ADGRV1: variants seen among roughly 807,000 people sequenced by gnomAD.
The protein encoded by ADGRV1 is adhesion G protein-coupled receptor V1.
A neutral mutation model predicts 596.2 loss-of-function variants in ADGRV1; 359 were observed. The observed-to-expected ratio is 0.60, with a 90% confidence interval of 0.55 to 0.66. The LOEUF (loss-of-function observed/expected upper bound fraction) is 0.66. Ranked by LOEUF, ADGRV1 falls within the 30% of genes least tolerant of loss-of-function variation. The pLI is 0.00. For missense variants in ADGRV1, 7,274 were observed against 7,575.6 expected (o/e 0.96, Z 1.48); for synonymous variants, 2,681 against 2,679.2 (o/e 1.00, Z -0.02).
At chr5:90,966,384 T>C (rs1027002921) in intron 84 of ADGRV1, among the ~76,000 whole-genome samples, 2 of 151,804 alleles carry the variant, frequency 1.3e-5, no homozygotes, top group African/African-American at 4.8e-5. Context: ...TATTAAAAAT[T>C]AGCTGGGCGT....
intron 59 of ADGRV1, among the ~76,000 whole-genome samples, chr5:90,769,740 A>G (rs544347245): frequency 2.1e-4 from 32 of 152,130 alleles, no homozygotes; most frequent in Non-Finnish European, 4.1e-4. Flanking sequence ...ATAGTTGCTT[A>G]TTGTTATTTT....
At chr5:90,816,982 G>A (rs1167806005) in intron 75 of ADGRV1, among the ~76,000 whole-genome samples, 1 of 151,994 alleles carries the variant, frequency 6.6e-6, no homozygotes, top group Non-Finnish European at 1.5e-5. Flanking sequence ...CTGAGGAATT[G>A]CCACACTGAC....
chr5:90,976,979 A>G (rs376537461), intron 84 of ADGRV1, among the ~76,000 whole-genome samples: 1 of 152,140 alleles, frequency 6.6e-6, no homozygotes, highest in Non-Finnish European at 1.5e-5. Flanking sequence ...CTTGTGCGTT[A>G]TTTTCTCAAT....
intron 83 of ADGRV1, among the ~76,000 whole-genome samples, chr5:90,930,760 T>C (rs1163017640): frequency 1.3e-5 from 2 of 152,154 alleles, no homozygotes; most frequent in Non-Finnish European, 2.9e-5. Context: ...CATGAGGAAA[T>C]ATTGTGGTTT....
At chr5:90,623,716 G>GC (rs978455386) in intron 5 of ADGRV1, among the ~76,000 whole-genome samples, 2 of 151,908 alleles carry the variant, frequency 1.3e-5, no homozygotes, top group South Asian at 2.1e-4. Context: ...CCTTCCCCCT[G>GC]CCCCCCATTT....
At chr5:90,604,168 A>T (rs1232588516) in intron 1 of ADGRV1, among the ~76,000 whole-genome samples, 1 of 151,938 alleles carries the variant, frequency 6.6e-6, no homozygotes, top group Non-Finnish European at 1.5e-5. Context: ...TTTTTTTAAA[A>T]TGTGAAATCT....
At chr5:90,684,923 A>G (rs1414606303) in intron 28 of ADGRV1, among the ~76,000 whole-genome samples, 1 of 152,178 alleles carries the variant, frequency 6.6e-6, no homozygotes, top group Non-Finnish European at 1.5e-5. Flanking sequence ...TTAGAGTATG[A>G]TGATTTGCAG....
rs150011965 is a variant in ADGRV1 at position 90,969,102 on chromosome 5, G to A, written c.17973+3571G>A. Among the ~76,000 whole-genome samples the A allele has an allele frequency of 7.9e-3, 1,205 of 151,996 alleles. 17 individuals are homozygous for A. Among genetic ancestry groups the A allele is most frequent in the African/African-American group, 0.028 (1,159 of 41,454 alleles). On this transcript the variant is annotated intron_variant, in intron 84 of 89. Transcript: ENST00000405460. The stretch of plus-strand genomic sequence containing the variant: ...AGAGTAGCTTAGGGAAAATTTTATT[G>A]GTAAACAAGTTACATAACCTCTCTG...
chr5:91,072,991 AGT>A (rs1307060940), intron 86 of ADGRV1, among the ~76,000 whole-genome samples: 1 of 152,180 alleles, frequency 6.6e-6, no homozygotes, highest in Non-Finnish European at 1.5e-5. Flanking sequence ...AGTGCTCATG[AGT>A]GTGCATGCAG....
intron 85 of ADGRV1, among the ~76,000 whole-genome samples, chr5:91,055,624 T>C (rs1786773236): frequency 1.3e-5 from 2 of 152,222 alleles, no homozygotes; most frequent in African/African-American, 4.8e-5. Flanking sequence ...GGCTATCTGA[T>C]TCAGAGTTCA....
At chr5:90,751,437 T>C (rs1755240513) in intron 53 of ADGRV1, among the ~76,000 whole-genome samples, 2 of 152,166 alleles carry the variant, frequency 1.3e-5, no homozygotes, top group Non-Finnish European at 2.9e-5. Context: ...GAACCTGTTG[T>C]TCCTAGCAGC....
At chr5:90,675,785 C>T (rs867731859) in intron 24 of ADGRV1, among the ~76,000 whole-genome samples, 2 of 149,296 alleles carry the variant, frequency 1.3e-5, no homozygotes, top group Non-Finnish European at 1.5e-5. Context: ...GAGACTCTGT[C>T]TCTAAAATAA....
At chr5:90,616,944 GGTCCACA>G (rs1260264128) in intron 2 of ADGRV1, among the ~76,000 whole-genome samples, 2 of 152,064 alleles carry the variant, frequency 1.3e-5, no homozygotes, top group Non-Finnish European at 2.9e-5. Flanking sequence ...ACCTCCATCA[GGTCCACA>G]TTCTTTAGCT....
At chr5:90,749,237 T>C (rs1754984060) in intron 52 of ADGRV1, among the ~76,000 whole-genome samples, 1 of 152,212 alleles carries the variant, frequency 6.6e-6, no homozygotes, top group South Asian at 2.1e-4. Flanking sequence ...AATTCTTCAT[T>C]ACAGGTCTTT....
At position 91,150,140 on chromosome 5, in the gene ADGRV1, T is replaced by G; in HGVS notation, c.18543T>G (p.Phe6181Leu). Residue 6181 changes from phenylalanine (F) to leucine (L), a missense_variant, in exon 88 of 90, where the codon TTT (phenylalanine) becomes TTG (leucine). Coordinates refer to ENST00000405460, the MANE Select transcript of ADGRV1 (RefSeq NM_032119.4). ...GGCATCCTGGACCCAGCACAGCCTTTTTCACGCCCGGGAGTGGAATGCCTC... is the reference window on the plus strand; with the variant it reads ...GGCATCCTGGACCCAGCACAGCCTTGTTCACGCCCGGGAGTGGAATGCCTC... ...MNGHPGPSTAFFTPGSGMPPA... is the reference protein window; with the variant it reads ...MNGHPGPSTALFTPGSGMPPA... 1 of 1,594,952 alleles carries G rather than the reference T, an allele frequency of 6.3e-7. No homozygotes were observed. The highest frequency in any genetic ancestry group is 8.5e-7 in the Non-Finnish European group (1 of 1,171,536).
intron 22 of ADGRV1, among the ~76,000 whole-genome samples, chr5:90,673,288 T>C (rs1031934154): frequency 1.5e-4 from 23 of 152,296 alleles, no homozygotes; most frequent in African/African-American, 5.5e-4. Context: ...TCTTATCCTA[T>C]CACATCTCAT....
chr5:90,970,011 G>A (rs959211559), intron 84 of ADGRV1, among the ~76,000 whole-genome samples: 4 of 152,154 alleles, frequency 2.6e-5, no homozygotes, highest in African/African-American at 7.2e-5. Context: ...CTGGAAAATC[G>A]GATCACTCCC....
At chr5:90,597,503 G>A (rs1027783666) in intron 1 of ADGRV1, among the ~76,000 whole-genome samples, 39 of 152,158 alleles carry the variant, frequency 2.6e-4, no homozygotes, top group African/African-American at 8.4e-4. Flanking sequence ...ACCACACTGG[G>A]GAATATTGGT....
chr5:90,743,249 T>C (rs1754188466), intron 50 of ADGRV1, among the ~76,000 whole-genome samples: 1 of 152,198 alleles, frequency 6.6e-6, no homozygotes. Flanking sequence ...GCAAATTTAT[T>C]GATAGCCTTT....
Sources: gnomAD v4.1 joint callset for allele counts (sites outside exome capture counted in the v4.1 genomes callset) on GRCh38, gnomAD v4.1.1 for gene constraint, MANE v1.5 for transcripts, NCBI Gene and HGNC (gene_info 2026-07-23, HGNC 2026-07-21) for gene names.